C20orf96: variants seen among roughly 807,000 people sequenced by gnomAD.
C20orf96 encodes the protein uncharacterized protein C20orf96.
In C20orf96, 57 loss-of-function variants were observed where a neutral mutation model predicts 52.6. The ratio of observed to expected loss-of-function variants is 1.08; its 90% CI spans 0.88 to 1.35. C20orf96 has a LOEUF of 1.35. Among genes scored for constraint, C20orf96 ranks in the 40% most tolerant of loss-of-function variants. C20orf96 has a pLI of 0.00. For synonymous variants in C20orf96, 168 were observed against 157.2 expected (o/e 1.07, Z -0.51); for missense variants, 478 against 443.6 (o/e 1.08, Z -0.70).
chr20:271,053 G>A lies in C20orf96; in HGVS notation c.*154C>T. 2 of 601,028 alleles carry A rather than the reference G, an allele frequency of 3.3e-6. No individual in the cohort carries two copies. Among genetic ancestry groups the A allele is most frequent in the Admixed American group, 2.7e-5 (1 of 36,582 alleles). The allele number at this position is 601,028 out of a possible 1,614,324, so 37.2% of individuals were successfully genotyped here. A position where few individuals can be genotyped will look rare whatever the true frequency, so the allele number is the denominator to read the frequency against. On this transcript the variant is annotated 3_prime_UTR_variant, in exon 11 of 11. Coordinates refer to ENST00000360321, the MANE Select transcript of C20orf96 (RefSeq NM_153269.3). ...AGGGAAGGGGGGAAGAAGGGAGGGA[G>A]GGAGGGAGGGAAAGAAAGAGGGAGG...
chr20:278,815 G>A (rs893349378), intron 5 of C20orf96, among the ~76,000 whole-genome samples: 1 of 144,650 alleles, frequency 6.9e-6, no homozygotes, highest in Non-Finnish European at 1.5e-5. Context: ...AACCCATCTC[G>A]GTCCTCTTGC....
chr20:288,822 T>C (rs181051646), intron 3 of C20orf96, among the ~76,000 whole-genome samples: 2 of 152,346 alleles, frequency 1.3e-5, no homozygotes, highest in Non-Finnish European at 2.9e-5. Flanking sequence ...CATTTCAGGA[T>C]ACCAAAGAAA....
intron 4 of C20orf96, among the ~76,000 whole-genome samples, chr20:281,599 C>T (rs1375610297): frequency 2.0e-5 from 3 of 152,214 alleles, no homozygotes; most frequent in Non-Finnish European, 4.4e-5. Flanking sequence ...GTGGCTGATA[C>T]TGTACTAAGC....
chr20:279,238 G>C lies in C20orf96; in HGVS notation c.399C>G (p.Ile133Met). Reference sequence around the variant, plus strand: ...GGGTCGTGCTGTTCTCCATCTCCTGGATGGTCTCGATCAGCTCCCGGTTGA... The same window carrying C: ...GGGTCGTGCTGTTCTCCATCTCCTGCATGGTCTCGATCAGCTCCCGGTTGA... ...SKLNRELIET[I>M]QEMENSTTLH... The change falls in exon 5 of 11, where the codon ATC becomes ATG. Residue 133 changes from isoleucine to methionine, a missense_variant. By Grantham distance (10) the Ile-to-Met change is conservative. Transcript: ENST00000360321. The C allele has an allele frequency of 6.2e-7, 1 of 1,611,090 alleles. No homozygotes were observed. The highest frequency in any genetic ancestry group is 2.2e-5 in the East Asian group (1 of 44,740).
intron 4 of C20orf96, 29 bp from the exon 5 acceptor site, chr20:279,359 G>T (rs770642220): frequency 6.3e-7 from 1 of 1,593,126 alleles, no homozygotes; most frequent in Admixed American, 1.7e-5. Context: ...GCAGAGAGGC[G>T]GCGCTGCGCC....
chr20:271,175 C>G lies in C20orf96; in HGVS notation c.*32G>C, dbSNP rs1424944260. On this transcript the variant is annotated 3_prime_UTR_variant, in exon 11 of 11. Transcript: ENST00000360321. Reference sequence around the variant, plus strand: ...AAGGCTCCAGGTGCTGGGAAGAGAGCAGGAGGGGAGGGCGGCCCATGGCAC... The same window carrying G: ...AAGGCTCCAGGTGCTGGGAAGAGAGGAGGAGGGGAGGGCGGCCCATGGCAC... 13 of 1,535,438 alleles carry G rather than the reference C, an allele frequency of 8.5e-6. No homozygotes were observed. The highest frequency in any genetic ancestry group is 1.1e-5 in the Non-Finnish European group (13 of 1,132,548).
At chr20:276,122 G>C (rs61354763) in intron 9 of C20orf96, 36 bp from the exon 10 acceptor site, 265,029 of 1,611,034 alleles carry the variant, frequency 0.16, 25,037 homozygotes, top group African/African-American at 0.43. Context: ...GAAGGGAGAG[G>C]CAAATGGCCC....
rs2012183352 is a variant in C20orf96 at position 279,321 on chromosome 20, T to G, written c.316A>C (p.Arg106=). 2 of 1,602,316 alleles carry G rather than the reference T, an allele frequency of 1.2e-6. No individual in the cohort carries two copies. Among genetic ancestry groups the G allele is most frequent in the Admixed American group, 1.7e-5 (1 of 59,598 alleles). ...TCTCGCAGAGCGGCCCTCCCGCTCC[T>G]GAGCGAGGTCTGCGGGCGGAGGGAA... ...AKIWLMKTSL[R]SGRAALRELR... The change falls in exon 5 of 11, where the codon AGG becomes CGG. Residue 106 remains arginine, a synonymous_variant. Coordinates refer to ENST00000360321, the MANE Select transcript of C20orf96 (RefSeq NM_153269.3).
In C20orf96 at chr20:271,258, TG is replaced by T; in HGVS notation, c.1040del (p.Pro347GlnfsTer?). ...GAATGTTGAGGATGACATCCATGTC[TG>T]GGGTGCACCTGGTGGGAGGCAGCAC... is the stretch of plus-strand genomic sequence containing the variant. The part of the protein sequence containing the change: ...DVLLRRPKCT[P>X]DMDVILNIPV... On this transcript the variant is annotated frameshift_variant, in exon 11 of 11. Coordinates refer to ENST00000360321, the MANE Select transcript of C20orf96 (RefSeq NM_153269.3). LOFTEE classifies it high-confidence loss of function. 1.3e-6 allele frequency: 2 copies of T among 1,555,128 alleles called. No individual in the cohort carries two copies. The highest frequency in any genetic ancestry group is 2.4e-5 in the East Asian group (1 of 41,406).
At chr20:278,288 G>A in intron 6 of C20orf96, 42 bp downstream of exon 6, 2 of 1,469,430 alleles carry the variant, frequency 1.4e-6, no homozygotes, top group Non-Finnish European at 9.5e-7. Flanking sequence ...CCTCCCCAAG[G>A]TGCCAGGGGG....
intron 4 of C20orf96, among the ~76,000 whole-genome samples, chr20:283,437 G>C (rs1292065814): frequency 6.6e-6 from 1 of 152,020 alleles, no homozygotes; most frequent in Admixed American, 6.6e-5. Flanking sequence ...CCGAGTAGCT[G>C]GGACTACAGG....
At chr20:289,776 T>C in intron 2 of C20orf96, 100 bp from the exon 3 acceptor site, 1 of 884,050 alleles carries the variant, frequency 1.1e-6, no homozygotes, top group Non-Finnish European at 1.9e-6. Flanking sequence ...TGACCTCTCC[T>C]GAGCCTCAAT....
Position 290,646 on chromosome 20 carries a change from A to C in C20orf96, c.-36T>G, listed in dbSNP as rs768764227. On this transcript the variant is annotated 5_prime_UTR_variant, in exon 1 of 11. Transcript: ENST00000360321. ...GGAAGAGAAGTTGCGAGTCTGTGAGACCCTGATCTTCTGGTATAACTACTC... is the reference window on the plus strand; with the variant it reads ...GGAAGAGAAGTTGCGAGTCTGTGAGCCCCTGATCTTCTGGTATAACTACTC... 1.9e-6 allele frequency: 3 copies of C among 1,600,270 alleles called. No individual in the cohort carries two copies. In the Admixed American group the frequency reaches 5.3e-5, roughly 28 times the overall value.
intron 9 of C20orf96, chr20:276,352 T>C (rs1187518234): frequency 1.0e-6 from 1 of 984,984 alleles, no homozygotes; most frequent in Non-Finnish European, 1.2e-6. Flanking sequence ...TGCTCAATCA[T>C]GGGAATGAAT....
intron 3 of C20orf96, 79 bp from the exon 4 acceptor site, chr20:284,160 T>A: frequency 9.7e-7 from 1 of 1,033,932 alleles, no homozygotes; most frequent in Non-Finnish European, 1.5e-6. Context: ...AGTGCACCAT[T>A]AATGAGAGGA....
intron 3 of C20orf96, among the ~76,000 whole-genome samples, chr20:287,293 G>A (rs1259552874): frequency 6.6e-6 from 1 of 152,130 alleles, no homozygotes; most frequent in Admixed American, 6.6e-5. Flanking sequence ...CAGCAATTGC[G>A]CACAATCTGA....
In C20orf96 at chr20:279,309, C is replaced by T; in HGVS notation, c.328G>A (p.Ala110Thr). 3 of 1,606,170 alleles carry T rather than the reference C, an allele frequency of 1.9e-6. No homozygotes were observed. Among genetic ancestry groups the T allele is most frequent in the Non-Finnish European group, 1.7e-6 (2 of 1,178,666 alleles). The stretch of plus-strand genomic sequence containing the variant: ...CGGCTTCGGAGCTCTCGCAGAGCGG[C>T]CCTCCCGCTCCTGAGCGAGGTCTGC... ...LMKTSLRSGR[A>T]ALRELRSREN... The change falls in exon 5 of 11, where the codon GCC (alanine) becomes ACC (threonine). Residue 110 changes from alanine to threonine, a missense_variant. Physicochemically the swap from Ala to Thr is moderately conservative, Grantham distance 58. Coordinates refer to ENST00000360321, the MANE Select transcript of C20orf96 (RefSeq NM_153269.3).
chr20:282,498 C>T (rs1358318711), intron 4 of C20orf96, among the ~76,000 whole-genome samples: 1 of 152,158 alleles, frequency 6.6e-6, no homozygotes, highest in African/African-American at 2.4e-5. Flanking sequence ...GTTAGGAGCA[C>T]AAGTTTTAGA....
In C20orf96 at chr20:270,998, G is replaced by A. The variant is rs2011807240; in HGVS notation, c.*209C>T. On this transcript the variant is annotated 3_prime_UTR_variant, in exon 11 of 11. Coordinates refer to ENST00000360321, the MANE Select transcript of C20orf96 (RefSeq NM_153269.3). ...CCACAGGAAGAAAGAAAGGAGGGAG[G>A]GAGGGAGAGGAGGAAGGAAGGAGGA... 1.9e-6 allele frequency: 1 copy of A among 538,694 alleles called. No homozygotes were observed. The highest frequency in any genetic ancestry group is 3.5e-5 in the Admixed American group (1 of 28,410). The allele number at this position is 538,694 out of a possible 1,614,324, so 33.4% of individuals were successfully genotyped here.
Sources: allele counts gnomAD v4.1 joint callset (sites outside exome capture counted in the v4.1 genomes callset), GRCh38; gene constraint gnomAD v4.1.1; transcripts MANE v1.5; gene names NCBI Gene and HGNC (gene_info 2026-07-23, HGNC 2026-07-21).